Variants in DOCK11 observed in about 807,000 individuals in gnomAD.
DOCK11 encodes dedicator of cytokinesis protein 11.
A neutral mutation model predicts 169.1 loss-of-function variants in DOCK11; 70 were observed. The ratio of observed to expected loss-of-function variants is 0.41; its 90% CI spans 0.34 to 0.51. DOCK11 has a LOEUF of 0.51. Ranked by LOEUF, DOCK11 falls within the 20% of genes least tolerant of loss-of-function variation. The pLI, the probability that DOCK11 is intolerant of heterozygous loss-of-function variation, is 0.10. For synonymous variants in DOCK11, 529 were observed against 541.3 expected (o/e 0.98, Z 0.32); for missense variants, 1,166 against 1,538.8 (o/e 0.76, Z 4.05).
chrX:118,671,254 T>C (rs2147579782), intron 46 of DOCK11, 109 bp downstream of exon 46: 4 of 705,843 alleles, frequency 5.7e-6, no homozygotes, highest in Non-Finnish European at 6.1e-6. Context: ...CTCTGAAGAA[T>C]ATAAGGTTCA....
intron 35 of DOCK11, chrX:118,633,583 C>T (rs2015307268): frequency 8.9e-6 from 1 of 112,296 alleles, no homozygotes; most frequent in Non-Finnish European, 1.9e-5. Context: ...CTATGTTAGG[C>T]TTAGTGTCAT....
Position 118,654,787 on chromosome X carries a change from G to A in DOCK11, c.4881G>A (p.Lys1627=). 2.5e-6 allele frequency: 3 copies of A among 1,211,701 alleles called. No individual in the cohort carries two copies. Among genetic ancestry groups the A allele is most frequent in the Non-Finnish European group, 3.3e-6 (3 of 895,543 alleles). The change falls in exon 43 of 53, where the codon AAG becomes AAA. Residue 1627 remains lysine, a synonymous_variant. Transcript: ENST00000276202. ...AAACCTGGCTTGATAGCATGGCCAA[G>A]ATTCATGTAAAAAATGGAGATTTTT... ...LRKTWLDSMA[K]IHVKNGDFSE... is the part of the protein sequence containing the mutation.
At chrX:118,671,175 C>CTT (rs1569446706) in intron 46 of DOCK11, 30 bp downstream of exon 46, 2 of 1,179,303 alleles carry the variant, frequency 1.7e-6, no homozygotes, top group Admixed American at 4.6e-5. Flanking sequence ...TTATCATTGA[C>CTT]TTATGTATTT....
intron 1 of DOCK11, among the ~76,000 whole-genome samples, chrX:118,518,087 T>C (rs1318190759): frequency 8.9e-6 from 1 of 112,062 alleles, no homozygotes; most frequent in Non-Finnish European, 1.9e-5. Context: ...GCATTGAAAT[T>C]GCAAGGATTT....
In DOCK11 at chrX:118,542,934, G is replaced by A. The variant is rs1456012354; in HGVS notation, c.228G>A (p.Val76=). Residue 76 remains valine (V), a synonymous_variant, in exon 3 of 53, where the codon GTG becomes GTA. Transcript: ENST00000276202. Reference sequence around the variant, plus strand: ...TGTTCTTTGTGTTCTAGATCTCGGTGATAGGTCGTCAACGCAGAACGGTGC... The same window carrying A: ...TGTTCTTTGTGTTCTAGATCTCGGTAATAGGTCGTCAACGCAGAACGGTGC... ...MFPMEDISIS[V]IGRQRRTVQS... 18 of 1,208,707 alleles carry A rather than the reference G, an allele frequency of 1.5e-5. No individual in the cohort carries two copies. The South Asian group carries it at 2.8e-4, about 19-fold the overall frequency.
chrX:118,610,821 A>G (rs1406755254), intron 28 of DOCK11, among the ~76,000 whole-genome samples: 1 of 111,339 alleles, frequency 9.0e-6, no homozygotes, highest in African/African-American at 3.3e-5. Flanking sequence ...GGCGGATCAC[A>G]TGAGGTCAGG....
chrX:118,533,733 G>A (rs1270211617), intron 1 of DOCK11, among the ~76,000 whole-genome samples: 1 of 112,458 alleles, frequency 8.9e-6, no homozygotes, highest in Non-Finnish European at 1.9e-5. Context: ...TTCTGCTTAA[G>A]AATGCAAGTT....
rs1569428724 is a variant in DOCK11, at chrX:118,608,211, T to TG, written c.2752-20_2752-19insG. 3.4e-6 allele frequency: 4 copies of TG among 1,190,612 alleles called. No individual in the cohort carries two copies. In the African/African-American group the frequency reaches 5.4e-5, roughly 16 times the overall value. On this transcript the variant is annotated intron_variant, in intron 25 of 52. Coordinates refer to ENST00000276202, the MANE Select transcript of DOCK11 (RefSeq NM_144658.4). The stretch of plus-strand genomic sequence containing the variant: ...CAATTTTGTCTTACAGTTCATTTTT[T>TG]TTTGTTTGTTTATTTGTAGTATAGC...
chrX:118,580,868 CAT>C (rs758580131), intron 14 of DOCK11, among the ~76,000 whole-genome samples: 1 of 112,070 alleles, frequency 8.9e-6, no homozygotes, highest in East Asian at 2.8e-4. Context: ...GAAAATCTAT[CAT>C]AGAATATTTC....
rs768932989 is a variant in DOCK11 at position 118,608,254 on chromosome X, G to A, written c.2775G>A (p.Pro925=). 11 of 1,207,489 alleles carry A rather than the reference G, an allele frequency of 9.1e-6. No individual in the cohort carries two copies. The highest frequency in any genetic ancestry group is 3.5e-5 in the South Asian group (2 of 56,382). ...FIKYSFRPEK[P]SAPQAQLIHE... ...AGTATAGCTTCCGACCTGAAAAACC[G>A]AGTGCTCCTCAGGCCCAGCTGATAC... is the stretch of plus-strand genomic sequence containing the variant. The change falls in exon 26 of 53, where the codon CCG becomes CCA. Residue 925 remains proline (P), a synonymous_variant. Transcript: ENST00000276202.
intron 1 of DOCK11, among the ~76,000 whole-genome samples, chrX:118,511,084 A>T (rs1004752015): frequency 2.1e-4 from 24 of 111,915 alleles, no homozygotes; most frequent in Admixed American, 2.1e-3. Flanking sequence ...TCTATCGTAG[A>T]TGTGGATTGC....
At chrX:118,599,328 T>G (rs927208926) in intron 23 of DOCK11, 100 bp downstream of exon 23, 1 of 617,438 alleles carries the variant, frequency 1.6e-6, no homozygotes, top group African/African-American at 2.3e-5. Flanking sequence ...GTTTAAAATA[T>G]TTTTGGCTGT....
intron 3 of DOCK11, 140 bp downstream of exon 3, chrX:118,543,155 G>A (rs994210490): frequency 1.0e-5 from 5 of 487,837 alleles, no homozygotes; most frequent in East Asian, 3.8e-5. Context: ...TTAATGTAAA[G>A]GTAAAATAAA....
intron 6 of DOCK11, among the ~76,000 whole-genome samples, chrX:118,557,853 G>A (rs1360988324): frequency 3.7e-5 from 4 of 108,238 alleles, no homozygotes; most frequent in Non-Finnish European, 7.7e-5. Context: ...CTGGGCTATG[G>A]TGAGGATTTT....
intron 6 of DOCK11, among the ~76,000 whole-genome samples, chrX:118,557,494 C>T (rs192676374): frequency 2.7e-4 from 30 of 110,721 alleles, no homozygotes; most frequent in African/African-American, 9.5e-4. Context: ...GAAGGCCGGG[C>T]GCGGTGGCTC....
rs750201249 is a variant in DOCK11, at chrX:118,671,012, T to C, written c.5077-11T>C. 14 of 1,162,669 alleles carry C rather than the reference T, an allele frequency of 1.2e-5. No individual in the cohort carries two copies. The highest frequency in any genetic ancestry group is 4.8e-4 in the Middle Eastern group (2 of 4,130). ...TTTTTAATTCCTAATTGGATTTTTC[T>C]CTTAATGCAGGAGGTCTTGCTGGAG... On this transcript the variant is annotated splice_polypyrimidine_tract_variant and intron_variant, in intron 45 of 52. Coordinates refer to ENST00000276202, the MANE Select transcript of DOCK11 (RefSeq NM_144658.4).
At chrX:118,604,967 C>T (rs1408429766) in intron 23 of DOCK11, among the ~76,000 whole-genome samples, 1 of 111,627 alleles carries the variant, frequency 9.0e-6, no homozygotes, top group Non-Finnish European at 1.9e-5. Context: ...TACCAGGAGT[C>T]AGTTGTCAAT....
intron 6 of DOCK11, among the ~76,000 whole-genome samples, chrX:118,552,916 C>A (rs1428978684): frequency 9.0e-6 from 1 of 111,228 alleles, no homozygotes; most frequent in Middle Eastern, 4.6e-3. Context: ...AAACAAAAAA[C>A]CAACGCTCTG....
At chrX:118,617,405 T>C (rs1318597797) in intron 30 of DOCK11, among the ~76,000 whole-genome samples, 1 of 109,473 alleles carries the variant, frequency 9.1e-6, no homozygotes, top group Non-Finnish European at 1.9e-5. Context: ...GGCAGCAGAA[T>C]TGCTTGAACC....
Sources: allele counts gnomAD v4.1 joint callset (sites outside exome capture counted in the v4.1 genomes callset), GRCh38; gene constraint gnomAD v4.1.1; transcripts MANE v1.5; gene names NCBI Gene and HGNC (gene_info 2026-07-23, HGNC 2026-07-21).